ADCY2: variants seen among roughly 807,000 people sequenced by gnomAD.
ADCY2 encodes the protein adenylate cyclase type 2.
Under a neutral mutation model 125.2 loss-of-function variants are expected in ADCY2, and 31 were observed. The ratio of observed to expected loss-of-function variants is 0.25; its 90% confidence interval spans 0.19 to 0.33. The LOEUF (loss-of-function observed/expected upper bound fraction) is 0.33. Among genes scored for constraint, ADCY2 ranks in the 10% least tolerant of loss-of-function variants. The pLI is 1.00. For missense variants in ADCY2, 904 were observed against 1,418.2 expected, an observed-to-expected ratio of 0.64 and a Z score of 5.82; for synonymous variants, 512 against 548.4, an observed-to-expected ratio of 0.93 and a Z score of 0.93.
intron 3 of ADCY2, among the ~76,000 whole-genome samples, chr5:7,624,071 C>T (rs1738043350): frequency 6.6e-6 from 1 of 152,058 alleles, no homozygotes; most frequent in Admixed American, 6.5e-5. Flanking sequence ...CCTTGAAGGC[C>T]CCTTCTAATC....
At chr5:7,575,407 T>G (rs1736216777) in intron 3 of ADCY2, among the ~76,000 whole-genome samples, 1 of 152,192 alleles carries the variant, frequency 6.6e-6, no homozygotes, top group African/African-American at 2.4e-5. Context: ...CAAGAAACAG[T>G]AATGTATGAT....
At chr5:7,498,822 A>G (rs1743440838) in intron 2 of ADCY2, among the ~76,000 whole-genome samples, 1 of 152,218 alleles carries the variant, frequency 6.6e-6, no homozygotes, top group Non-Finnish European at 1.5e-5. Flanking sequence ...TATTTACACA[A>G]TGGGATGCTA....
intron 3 of ADCY2, among the ~76,000 whole-genome samples, chr5:7,588,937 G>C (rs1335084472): frequency 6.6e-6 from 1 of 152,170 alleles, no homozygotes; most frequent in Non-Finnish European, 1.5e-5. Context: ...AAAGTTATCT[G>C]ATAAACAGGT....
intron 23 of ADCY2, among the ~76,000 whole-genome samples, chr5:7,819,569 C>T (rs889842598): frequency 4.6e-5 from 7 of 152,106 alleles, no homozygotes; most frequent in Non-Finnish European, 8.8e-5. Flanking sequence ...AAGTCTATAC[C>T]CTCAACCCCA....
Position 7,709,404 on chromosome 5 carries a change from C to T in ADCY2, c.1578+17C>T, listed in dbSNP as rs754487301. The T allele has an allele frequency of 5.8e-5, 90 of 1,556,138 alleles. No individual in the cohort carries two copies. In the East Asian group the frequency reaches 2.0e-3, roughly 35 times the overall value. On this transcript the variant is annotated intron_variant, in intron 10 of 24. Transcript: ENST00000338316. The surrounding 1 kb of genome is among the most constrained non-coding windows in gnomAD (Gnocchi z 4.4). The stretch of plus-strand genomic sequence containing the variant: ...AGCACCACGGTATGCCCTCCCCTGC[C>T]TCCAATGCCTGAGCACTGGGGGAAA...
At chr5:7,510,126 T>C (rs143267446) in intron 2 of ADCY2, among the ~76,000 whole-genome samples, 1 of 152,334 alleles carries the variant, frequency 6.6e-6, no homozygotes, top group East Asian at 1.9e-4. Flanking sequence ...TCTTATTAAG[T>C]AGAAATGAAA....
rs869287430 is a variant in ADCY2, at chr5:7,418,647, GTTTTTTT to G, written c.408+3897_408+3903del. On this transcript the variant is annotated intron_variant, in intron 2 of 24. Coordinates refer to ENST00000338316, the MANE Select transcript of ADCY2 (RefSeq NM_020546.3). ...AATTAAAAACAAAAGTCTACCTTCTGTTTTTTTTTTTTTTTTTTTTTTTTTTGAGACT... is the reference window on the plus strand; with the variant it reads ...AATTAAAAACAAAAGTCTACCTTCTGTTTTTTTTTTTTTTTTTTTGAGACT... Among the ~76,000 whole-genome samples the G allele has an allele frequency of 9.0e-3, 666 of 73,728 alleles. 7 individuals are homozygous for G. The highest frequency in any genetic ancestry group is 0.036 in the African/African-American group (576 of 16,040). The allele number at this position is 73,728 out of a possible 152,430, so 48.4% of individuals were successfully genotyped here.
At chr5:7,756,635 C>T (rs1345883145) in intron 15 of ADCY2, among the ~76,000 whole-genome samples, 1 of 151,954 alleles carries the variant, frequency 6.6e-6, no homozygotes, top group Admixed American at 6.6e-5. Flanking sequence ...TAGTCACAGT[C>T]ATGGAAACAG....
intron 3 of ADCY2, among the ~76,000 whole-genome samples, chr5:7,545,509 G>A (rs989180678): frequency 3.3e-5 from 5 of 152,194 alleles, no homozygotes; most frequent in Admixed American, 6.5e-5. Context: ...CAAGGAACAA[G>A]CACCCATTCT....
intron 3 of ADCY2, among the ~76,000 whole-genome samples, chr5:7,530,824 AC>A (rs1259299903): frequency 6.6e-6 from 1 of 151,780 alleles, no homozygotes; most frequent in African/African-American, 2.4e-5. Flanking sequence ...TCTCATCTCC[AC>A]GTATTTACAC....
chr5:7,825,183 A>G (rs1232821805), intron 24 of ADCY2, among the ~76,000 whole-genome samples: 1 of 152,112 alleles, frequency 6.6e-6, no homozygotes. Flanking sequence ...GCTGTGCGCC[A>G]CGACAACGCT....
At chr5:7,737,771 G>GA (rs1298680925) in intron 14 of ADCY2, among the ~76,000 whole-genome samples, 1 of 151,950 alleles carries the variant, frequency 6.6e-6, no homozygotes. Context: ...CTGGAAACCA[G>GA]AAAAAAGAAA....
At chr5:7,783,462 C>G (rs974589208) in intron 18 of ADCY2, among the ~76,000 whole-genome samples, 1 of 151,898 alleles carries the variant, frequency 6.6e-6, no homozygotes, top group East Asian at 1.9e-4. Flanking sequence ...TAAAGCCCAC[C>G]TGGGCTTTTA....
At chr5:7,700,267 T>A (rs1036173892) in intron 7 of ADCY2, among the ~76,000 whole-genome samples, 7 of 152,204 alleles carry the variant, frequency 4.6e-5, no homozygotes, top group African/African-American at 1.7e-4. Context: ...TATAGGATAG[T>A]GATATCATTA....
chr5:7,654,517 CAGGAGCAG>C (rs1421909105), intron 4 of ADCY2, among the ~76,000 whole-genome samples: 1 of 152,116 alleles, frequency 6.6e-6, no homozygotes, highest in Non-Finnish European at 1.5e-5. Flanking sequence ...CTGACAGGAG[CAGGAGCAG>C]ACATTTCCCC....
chr5:7,672,341 C>T (rs1388471191), intron 4 of ADCY2, among the ~76,000 whole-genome samples: 2 of 152,156 alleles, frequency 1.3e-5, no homozygotes, highest in Non-Finnish European at 2.9e-5. Context: ...TTGTCAGTGA[C>T]ATTTTTAATG....
At chr5:7,409,477 T>G (rs1285695597) in intron 1 of ADCY2, among the ~76,000 whole-genome samples, 7 of 152,380 alleles carry the variant, frequency 4.6e-5, no homozygotes, top group Admixed American at 1.3e-4. Context: ...ATGTGGTAAC[T>G]TTTAATTTAC....
chr5:7,780,059 T>C (rs1279494662), intron 18 of ADCY2, among the ~76,000 whole-genome samples: 4 of 152,102 alleles, frequency 2.6e-5, no homozygotes, highest in Non-Finnish European at 4.4e-5. Context: ...ATCCACAGGA[T>C]CTGCAACAAA....
intron 2 of ADCY2, among the ~76,000 whole-genome samples, chr5:7,485,109 A>G (rs1370909686): frequency 6.6e-6 from 1 of 152,188 alleles, no homozygotes; most frequent in East Asian, 1.9e-4. Flanking sequence ...GTCACTAACT[A>G]AATTCAGTGG....
Sources: allele counts gnomAD v4.1 joint callset (sites outside exome capture counted in the v4.1 genomes callset), GRCh38; gene constraint gnomAD v4.1.1; non-coding constraint Gnocchi (gnomAD v3.1); transcripts MANE v1.5; gene names NCBI Gene and HGNC (gene_info 2026-07-23, HGNC 2026-07-21).